Variants in MTA3 observed in about 807,000 individuals in gnomAD.
MTA3 encodes metastasis-associated protein MTA3.
Under a neutral mutation model 83.5 loss-of-function variants are expected in MTA3, and 34 were observed. The observed-to-expected ratio is 0.41, with a 90% CI of 0.31 to 0.54. The LOEUF (loss-of-function observed/expected upper bound fraction) is 0.54. Ranked by LOEUF, MTA3 falls within the 20% of genes least tolerant of loss-of-function variation. The pLI, the probability that MTA3 is intolerant of heterozygous loss-of-function variation, is 0.33. For synonymous variants in MTA3, 303 were observed against 252.7 expected, an observed-to-expected ratio of 1.20 and a Z score of -1.89; for missense variants, 761 against 726.4, an observed-to-expected ratio of 1.05 and a Z score of -0.55.
At chr2:42,732,988 G>A (rs1668339695) in intron 16 of MTA3, among the ~76,000 whole-genome samples, 1 of 152,180 alleles carries the variant, frequency 6.6e-6, no homozygotes, top group African/African-American at 2.4e-5. Flanking sequence ...CAGCAAGTCT[G>A]TAGGAAGTTC....
intron 3 of MTA3, among the ~76,000 whole-genome samples, chr2:42,587,154 C>T (rs556615809): frequency 6.6e-6 from 1 of 152,136 alleles, no homozygotes; most frequent in South Asian, 2.1e-4. Context: ...GATCGTGTCA[C>T]TGCACTCCAG....
rs553265664 is a variant in MTA3 at position 42,614,971 on chromosome 2, T to A, written c.317+5387T>A. On this transcript the variant is annotated intron_variant, in intron 4 of 16. Transcript: ENST00000405094. ...TAGCCTGGGTGACAGAGCAAGACTC[T>A]GTCTTAAAAAAAAAAAAAACAAAAA... Among the ~76,000 whole-genome samples, 531 of 92,610 alleles carry A rather than the reference T, an allele frequency of 5.7e-3. 6 individuals are homozygous for A. The highest frequency in any genetic ancestry group is 0.023 in the African/African-American group (505 of 21,772). 60.8% of individuals were successfully genotyped at this position (92,610 alleles called of 152,430 possible). A position where few individuals can be genotyped will look rare whatever the true frequency, so the allele number is the denominator to read the frequency against.
chr2:42,674,891 C>T (rs72801629), intron 8 of MTA3, among the ~76,000 whole-genome samples: 3 of 151,672 alleles, frequency 2.0e-5, no homozygotes, highest in Non-Finnish European at 4.4e-5. Flanking sequence ...TGAGCTACTG[C>T]GCCTGGCCTA....
At chr2:42,751,166 T>C (rs1284454569) in intron 16 of MTA3, among the ~76,000 whole-genome samples, 5 of 152,230 alleles carry the variant, frequency 3.3e-5, no homozygotes, top group Admixed American at 2.6e-4. Flanking sequence ...TTTCATTGGA[T>C]TGGTTGATTT....
At chr2:42,628,534 C>T (rs78138586) in intron 4 of MTA3, among the ~76,000 whole-genome samples, 2,752 of 152,200 alleles carry the variant, frequency 0.018, 72 homozygotes, top group African/African-American at 0.061. Context: ...AACCCAGCCA[C>T]CTTCTTATTT....
At chr2:42,528,821 A>G (rs1675833311) in intron 2 of MTA3, among the ~76,000 whole-genome samples, 1 of 152,254 alleles carries the variant, frequency 6.6e-6, no homozygotes, top group Non-Finnish European at 1.5e-5. Flanking sequence ...CCCCCAGAAC[A>G]AGAAGAGGTA....
chr2:42,552,154 G>A (rs1312101260), intron 2 of MTA3, among the ~76,000 whole-genome samples: 2 of 152,158 alleles, frequency 1.3e-5, no homozygotes, highest in East Asian at 3.8e-4. Flanking sequence ...AAGCCGGTGA[G>A]GGAAGTTTGG....
chr2:42,590,795 A>G (rs1680896966), intron 3 of MTA3, among the ~76,000 whole-genome samples: 1 of 151,646 alleles, frequency 6.6e-6, no homozygotes, highest in African/African-American at 2.4e-5. Flanking sequence ...TAATTTTTGT[A>G]TTCTTAGTAG....
intron 4 of MTA3, among the ~76,000 whole-genome samples, chr2:42,635,604 T>G (rs1254777214): frequency 6.6e-6 from 1 of 151,870 alleles, no homozygotes; most frequent in African/African-American, 2.4e-5. Context: ...CACTCCAGCC[T>G]GGGCAACAGA....
intron 2 of MTA3, among the ~76,000 whole-genome samples, chr2:42,513,888 C>G (rs1188903233): frequency 2.6e-5 from 4 of 152,192 alleles, no homozygotes; most frequent in African/African-American, 9.6e-5. Flanking sequence ...CCTCCACTAC[C>G]TCAAATTGAG....
intron 16 of MTA3, among the ~76,000 whole-genome samples, chr2:42,738,775 G>A (rs768407326): frequency 2.0e-5 from 3 of 152,188 alleles, no homozygotes; most frequent in Non-Finnish European, 2.9e-5. Flanking sequence ...CGCACGTAGG[G>A]GTAGCTCTCT....
At chr2:42,626,913 G>A (rs1374984656) in intron 4 of MTA3, among the ~76,000 whole-genome samples, 1 of 151,466 alleles carries the variant, frequency 6.6e-6, no homozygotes, top group Non-Finnish European at 1.5e-5. Context: ...GCTAATTTTT[G>A]TATTTGTAGT....
intron 14 of MTA3, among the ~76,000 whole-genome samples, chr2:42,716,817 G>A (rs765538584): frequency 6.6e-6 from 1 of 152,162 alleles, no homozygotes; most frequent in Non-Finnish European, 1.5e-5. Context: ...CTTTATGATA[G>A]AATGATTTAT....
rs550928944 is a variant in MTA3, at chr2:42,678,942, G to C, written c.703-3459G>C. Among the ~76,000 whole-genome samples the C allele has an allele frequency of 3.3e-5, 5 of 152,250 alleles. No homozygotes were observed. In the South Asian group the frequency reaches 1.0e-3, roughly 32 times the overall value. On this transcript the variant is annotated intron_variant, in intron 8 of 16. Transcript: ENST00000405094. ...TTTTAAAAAAATACAAATAAGAAAT[G>C]ATCTTTCACATACATTCTCATTTGA...
chr2:42,724,379 G>T (rs144355982), intron 16 of MTA3, among the ~76,000 whole-genome samples: 1,589 of 149,530 alleles, frequency 0.011, 7 homozygotes, highest in Admixed American at 0.015. Flanking sequence ...GCCAGGTCCA[G>T]TGGCTTATGC....
chr2:42,627,556 ATTCTTTTT>A (rs1426943918), intron 4 of MTA3, among the ~76,000 whole-genome samples: 1 of 150,796 alleles, frequency 6.6e-6, no homozygotes, highest in Non-Finnish European at 1.5e-5. Flanking sequence ...TATGGTTTAG[ATTCTTTTT>A]TTCTTTTTTT....
chr2:42,729,097 T>TTTTTTTTTG (rs1558626060), intron 16 of MTA3, among the ~76,000 whole-genome samples: 7 of 121,402 alleles, frequency 5.8e-5, no homozygotes, highest in African/African-American at 2.3e-4. Context: ...TTTTTTTTTT[T>TTTTTTTTTG]TTTTTTTTTT....
chr2:42,523,384 T>C (rs536382303), intron 2 of MTA3, among the ~76,000 whole-genome samples: 105 of 152,226 alleles, frequency 6.9e-4, no homozygotes, highest in Admixed American at 1.2e-3. Flanking sequence ...AGGCCCTTAA[T>C]TGAACGGCGT....
At chr2:42,587,012 AC>A (rs1680412741) in intron 3 of MTA3, among the ~76,000 whole-genome samples, 1 of 145,788 alleles carries the variant, frequency 6.9e-6, no homozygotes, top group Non-Finnish European at 1.5e-5. Context: ...ACAGAGTGAG[AC>A]TCCATCTCAA....
Sources: allele counts gnomAD v4.1 joint callset (sites outside exome capture counted in the v4.1 genomes callset), GRCh38; gene constraint gnomAD v4.1.1; transcripts MANE v1.5; gene names NCBI Gene and HGNC (gene_info 2026-07-23, HGNC 2026-07-21).